Variants in LRRTM3 observed in about 807,000 individuals in gnomAD.
LRRTM3 encodes the protein leucine-rich repeat transmembrane neuronal protein 3.
LRRTM3 carries 24 observed loss-of-function variants against 44.7 expected under a neutral mutation model. The observed-to-expected ratio is 0.54, with a 90% CI of 0.39 to 0.76. LRRTM3 has a LOEUF of 0.76. LRRTM3 is among the 30% of genes least tolerant of loss of function. The pLI is 0.00. For missense variants in LRRTM3, 587 were observed against 702.2 expected (o/e 0.84, Z 1.85); for synonymous variants, 277 against 278.7 (o/e 0.99, Z 0.06).
chr10:67,084,792 A>G (rs1857215820), intron 2 of LRRTM3, among the ~76,000 whole-genome samples: 1 of 152,004 alleles, frequency 6.6e-6, no homozygotes, highest in Non-Finnish European at 1.5e-5. Context: ...ATCTGCCTAG[A>G]CTACGTTTAT....
At chr10:67,001,333 T>C (rs1428700721) in intron 2 of LRRTM3, among the ~76,000 whole-genome samples, 1 of 145,104 alleles carries the variant, frequency 6.9e-6, no homozygotes, top group Non-Finnish European at 1.5e-5. Context: ...GAGAAAAAAA[T>C]TAAATAAACT....
At chr10:67,047,556 C>G (rs1854831699) in intron 2 of LRRTM3, among the ~76,000 whole-genome samples, 1 of 152,088 alleles carries the variant, frequency 6.6e-6, no homozygotes, top group African/African-American at 2.4e-5. Context: ...CACTTATCTA[C>G]CAAATCCAGT....
intron 2 of LRRTM3, among the ~76,000 whole-genome samples, chr10:66,965,770 A>ATTAAAAG (rs1849381591): frequency 6.6e-6 from 1 of 152,104 alleles, no homozygotes; most frequent in South Asian, 2.1e-4. Context: ...CATATGTTTC[A>ATTAAAAG]AAGGATACTT....
chr10:66,969,670 A>G (rs904657271), intron 2 of LRRTM3, among the ~76,000 whole-genome samples: 2 of 152,126 alleles, frequency 1.3e-5, no homozygotes, highest in Admixed American at 6.5e-5. Flanking sequence ...AAATTTTAAG[A>G]TCTCTTTTAC....
At chr10:67,079,660 C>T (rs977836759) in intron 2 of LRRTM3, among the ~76,000 whole-genome samples, 30 of 151,900 alleles carry the variant, frequency 2.0e-4, no homozygotes, top group African/African-American at 7.0e-4. Flanking sequence ...CCAGCCTGGC[C>T]AATATAGTGA....
At chr10:66,940,719 TAATC>T in intron 2 of LRRTM3, among the ~76,000 whole-genome samples, 1 of 152,230 alleles carries the variant, frequency 6.6e-6, no homozygotes, top group South Asian at 2.1e-4. Flanking sequence ...TTGTACAAAG[TAATC>T]AATGGCTAAA....
rs74752794 is a variant in LRRTM3 at position 67,056,210 on chromosome 10, T to C, written c.1537-41377T>C. ...TGATTAACTGAGCTTTAATAAAATA[T>C]GGTTGGTATACAAGTTCTAATTCAA... On this transcript the variant is annotated intron_variant, in intron 2 of 2. Coordinates refer to ENST00000361320, the MANE Select transcript of LRRTM3 (RefSeq NM_178011.5). Among the ~76,000 whole-genome samples the C allele has an allele frequency of 0.01, 1,566 of 152,224 alleles. 65 individuals carry two copies. In the East Asian group the frequency reaches 0.14, roughly 14 times the overall value.
At chr10:66,977,453 T>C (rs1850115851) in intron 2 of LRRTM3, among the ~76,000 whole-genome samples, 1 of 149,952 alleles carries the variant, frequency 6.7e-6, no homozygotes, top group African/African-American at 2.5e-5. Context: ...AAAAAATGTA[T>C]AAAGATCATA....
intron 2 of LRRTM3, among the ~76,000 whole-genome samples, chr10:67,078,041 C>G (rs1041594211): frequency 8.5e-5 from 13 of 152,178 alleles, no homozygotes; most frequent in African/African-American, 3.1e-4. Flanking sequence ...TACATCCTAA[C>G]TAGACCACAG....
chr10:67,017,810 C>T (rs1852752497), intron 2 of LRRTM3, among the ~76,000 whole-genome samples: 1 of 152,014 alleles, frequency 6.6e-6, no homozygotes, highest in South Asian at 2.1e-4. Flanking sequence ...CACTCTGTCA[C>T]CCAGGCTGGA....
intron 2 of LRRTM3, among the ~76,000 whole-genome samples, chr10:67,079,910 A>C (rs917924181): frequency 7.3e-6 from 1 of 136,256 alleles, no homozygotes; most frequent in African/African-American, 2.7e-5. Context: ...CACACACACA[A>C]AGATAGTCAC....
At chr10:67,047,158 C>T (rs895523317) in intron 2 of LRRTM3, among the ~76,000 whole-genome samples, 10 of 152,172 alleles carry the variant, frequency 6.6e-5, no homozygotes, top group African/African-American at 2.2e-4. Flanking sequence ...TATAGAATCT[C>T]TAGTACAATG....
intron 2 of LRRTM3, among the ~76,000 whole-genome samples, chr10:67,007,897 A>AT (rs1852099713): frequency 1.3e-5 from 2 of 152,120 alleles, no homozygotes; most frequent in Non-Finnish European, 2.9e-5. Context: ...ACAGAGGAAG[A>AT]AAGGCCAACA....
chr10:66,958,248 C>T (rs914336187), intron 2 of LRRTM3, among the ~76,000 whole-genome samples: 29 of 141,968 alleles, frequency 2.0e-4, no homozygotes, highest in Non-Finnish European at 1.8e-4. Context: ...GAAGATTTAG[C>T]AACTTAGCAT....
chr10:67,000,077 T>C (rs1057110668), intron 2 of LRRTM3, among the ~76,000 whole-genome samples: 5 of 152,212 alleles, frequency 3.3e-5, no homozygotes, highest in African/African-American at 1.2e-4. Context: ...ATGATCATGA[T>C]AGCATTTTCT....
At chr10:67,074,476 G>A (rs1418178010) in intron 2 of LRRTM3, among the ~76,000 whole-genome samples, 2 of 146,360 alleles carry the variant, frequency 1.4e-5, no homozygotes, top group Non-Finnish European at 3.0e-5. Flanking sequence ...TCAGCCTCCC[G>A]AGTAGCTGGG....
intron 2 of LRRTM3, among the ~76,000 whole-genome samples, chr10:67,032,596 A>C (rs950331312): frequency 3.9e-5 from 6 of 152,186 alleles, no homozygotes; most frequent in Non-Finnish European, 7.3e-5. Context: ...CATCAGACAG[A>C]TGTTATTGAT....
At chr10:66,964,574 C>A (rs7914157) in intron 2 of LRRTM3, among the ~76,000 whole-genome samples, 26,028 of 152,018 alleles carry the variant, frequency 0.17, 2,339 homozygotes, top group Non-Finnish European at 0.18. Context: ...GGCTCTTGGG[C>A]ACTTTCATCA....
intron 2 of LRRTM3, among the ~76,000 whole-genome samples, chr10:67,031,576 C>G (rs1041137864): frequency 6.6e-6 from 1 of 152,140 alleles, no homozygotes; most frequent in African/African-American, 2.4e-5. Flanking sequence ...TTTAAGAGGA[C>G]ATAATGTAAC....
Sources: allele counts gnomAD v4.1 joint callset (sites outside exome capture counted in the v4.1 genomes callset), GRCh38; gene constraint gnomAD v4.1.1; transcripts MANE v1.5; gene names NCBI Gene and HGNC (gene_info 2026-07-23, HGNC 2026-07-21).